CDH13: variants seen among roughly 807,000 people sequenced by gnomAD.
CDH13 encodes the protein cadherin-13.
Under a neutral mutation model 63.8 loss-of-function variants are expected in CDH13, and 24 were observed. The ratio of observed to expected loss-of-function variants is 0.38; its 90% CI spans 0.27 to 0.53. The LOEUF is 0.53. CDH13 is among the 20% of genes least tolerant of loss of function. CDH13 has a pLI of 0.85. For synonymous variants in CDH13, 503 were observed against 355.3 expected, an observed-to-expected ratio of 1.42 and a Z score of -4.67; for missense variants, 1,049 against 903.1, an observed-to-expected ratio of 1.16 and a Z score of -2.07.
intron 8 of CDH13, among the ~76,000 whole-genome samples, chr16:83,625,022 C>T (rs983069446): frequency 6.6e-6 from 1 of 152,082 alleles, no homozygotes; most frequent in Non-Finnish European, 1.5e-5. Context: ...TTGAAATTGG[C>T]CATGGGGGGA....
At chr16:83,253,551 G>C (rs1007735453) in intron 5 of CDH13, among the ~76,000 whole-genome samples, 4 of 152,210 alleles carry the variant, frequency 2.6e-5, no homozygotes, top group African/African-American at 9.6e-5. Flanking sequence ...TGAGCTGAGG[G>C]AGTTGATGAG....
At chr16:82,897,533 C>A (rs1001666901) in intron 2 of CDH13, among the ~76,000 whole-genome samples, 9 of 152,246 alleles carry the variant, frequency 5.9e-5, no homozygotes, top group Admixed American at 2.0e-4. Flanking sequence ...ACGCTGGGAG[C>A]TGCTATTATC....
At chr16:82,801,485 C>A (rs931723624) in intron 1 of CDH13, among the ~76,000 whole-genome samples, 2 of 152,222 alleles carry the variant, frequency 1.3e-5, no homozygotes, top group African/African-American at 4.8e-5. Flanking sequence ...CACACACTTT[C>A]CATCAATCCA....
chr16:82,880,760 C>G (rs1165723428), intron 2 of CDH13, among the ~76,000 whole-genome samples: 1 of 152,154 alleles, frequency 6.6e-6, no homozygotes, highest in Non-Finnish European at 1.5e-5. Flanking sequence ...CCCTTCATGA[C>G]TAATATTGAT....
chr16:83,574,462 G>A (rs1904924117), intron 7 of CDH13, among the ~76,000 whole-genome samples: 1 of 152,130 alleles, frequency 6.6e-6, no homozygotes, highest in Admixed American at 6.5e-5. Flanking sequence ...AGCTGTGACT[G>A]CAGGCTGAGA....
At chr16:83,660,117 GT>G (rs1913304719) in intron 8 of CDH13, among the ~76,000 whole-genome samples, 1 of 152,158 alleles carries the variant, frequency 6.6e-6, no homozygotes, top group Non-Finnish European at 1.5e-5. Flanking sequence ...CCAGGAACTG[GT>G]TTTGTGGAAG....
chr16:83,464,154 A>C (rs765703597), intron 6 of CDH13, among the ~76,000 whole-genome samples: 1 of 151,996 alleles, frequency 6.6e-6, no homozygotes, highest in South Asian at 2.1e-4. Context: ...GCTCACTGCA[A>C]CCTCTACCGT....
At position 82,970,013 on chromosome 16, in the gene CDH13, G is replaced by A. The variant is rs540855814; in HGVS notation, c.158-61997G>A. ...GTAGGTTTCTTACGTAGGTATACACGTGCTATGGTGGTTTGCTGCATCTGT... is the reference window on the plus strand; with the variant it reads ...GTAGGTTTCTTACGTAGGTATACACATGCTATGGTGGTTTGCTGCATCTGT... On this transcript the variant is annotated intron_variant, in intron 2 of 13. Transcript: ENST00000567109. 3.2e-4 allele frequency among the ~76,000 whole-genome samples: 48 copies of A among 151,540 alleles called. 1 individual carries two copies. The South Asian group carries it at 7.9e-3, about 25-fold the overall frequency.
At chr16:83,684,824 T>A (rs1362253711) in intron 10 of CDH13, among the ~76,000 whole-genome samples, 1 of 152,188 alleles carries the variant, frequency 6.6e-6, no homozygotes, top group African/African-American at 2.4e-5. Context: ...GGGACTAAGT[T>A]TGGCTGAACA....
Position 82,788,213 on chromosome 16 carries a change from C to T in CDH13, c.46-70149C>T, listed in dbSNP as rs184146181. ...AAAACAAAGTGAGGATGGTCCTCTGCACAGGCGTTGTATATTTTGTTCTCA... is the reference window on the plus strand; with the variant it reads ...AAAACAAAGTGAGGATGGTCCTCTGTACAGGCGTTGTATATTTTGTTCTCA... On this transcript the variant is annotated intron_variant, in intron 1 of 13. Transcript: ENST00000567109. Among the ~76,000 whole-genome samples the T allele has an allele frequency of 7.2e-5, 11 of 152,302 alleles. No homozygotes were observed. In the East Asian group the frequency reaches 2.1e-3, roughly 29 times the overall value.
chr16:82,888,750 G>T (rs1010909926), intron 2 of CDH13, among the ~76,000 whole-genome samples: 1 of 152,198 alleles, frequency 6.6e-6, no homozygotes, highest in African/African-American at 2.4e-5. Flanking sequence ...CCATTTAGCT[G>T]CCCCTAAGTG....
intron 3 of CDH13, among the ~76,000 whole-genome samples, chr16:83,089,435 C>T (rs575144381): frequency 6.6e-6 from 1 of 152,344 alleles, no homozygotes; most frequent in Non-Finnish European, 1.5e-5. Flanking sequence ...TTGCTGCCAT[C>T]AGAGAACTTG....
chr16:82,774,100 T>C (rs539379310), intron 1 of CDH13, among the ~76,000 whole-genome samples: 22 of 152,056 alleles, frequency 1.4e-4, no homozygotes, highest in African/African-American at 5.3e-4. Flanking sequence ...TTCTTCTTTA[T>C]ACCTAATTAC....
chr16:83,125,594 A>G (rs1264351813), intron 4 of CDH13, 93 bp downstream of exon 4: 3 of 682,494 alleles, frequency 4.4e-6, no homozygotes, highest in East Asian at 5.4e-5. Context: ...ACCAGCTGGA[A>G]TTAGTCTTCA....
intron 1 of CDH13, among the ~76,000 whole-genome samples, chr16:82,750,411 C>T (rs2034363827): frequency 6.6e-6 from 1 of 152,060 alleles, no homozygotes; most frequent in African/African-American, 2.4e-5. Flanking sequence ...GATTTATCAC[C>T]CACTCTCTCC....
intron 5 of CDH13, among the ~76,000 whole-genome samples, chr16:83,283,152 A>AT (rs1311213398): frequency 6.6e-6 from 1 of 152,172 alleles, no homozygotes; most frequent in Non-Finnish European, 1.5e-5. Flanking sequence ...ATCTTCACAG[A>AT]TTTTTAAATC....
intron 4 of CDH13, chr16:83,171,512 T>G (rs1238895851): frequency 2.6e-6 from 4 of 1,532,240 alleles, no homozygotes; most frequent in Admixed American, 2.0e-5. Flanking sequence ...AAATAATCTT[T>G]GTTTTTCAGA....
intron 1 of CDH13, among the ~76,000 whole-genome samples, chr16:82,688,319 C>T (rs191977699): frequency 5.1e-4 from 77 of 152,276 alleles, no homozygotes; most frequent in East Asian, 1.7e-3. Flanking sequence ...TACACAAAAG[C>T]GCTAAGGCAA....
At chr16:83,153,496 G>T (rs963784393) in intron 4 of CDH13, among the ~76,000 whole-genome samples, 2 of 152,122 alleles carry the variant, frequency 1.3e-5, no homozygotes, top group Non-Finnish European at 2.9e-5. Flanking sequence ...CAAGAAAGAG[G>T]TTTGTTTCGG....
Sources: gnomAD v4.1 joint callset for allele counts (sites outside exome capture counted in the v4.1 genomes callset) on GRCh38, gnomAD v4.1.1 for gene constraint, MANE v1.5 for transcripts, NCBI Gene and HGNC (gene_info 2026-07-23, HGNC 2026-07-21) for gene names.